The following SLIT1 variants were observed in gnomAD, a reference collection of about 807,000 sequenced individuals.
The protein encoded by SLIT1 is slit guidance ligand 1, also known as slit homolog 1 protein.
Under a neutral mutation model 186.1 loss-of-function variants are expected in SLIT1, and 66 were observed. The ratio of observed to expected loss-of-function variants is 0.35; its 90% CI spans 0.29 to 0.44. The LOEUF (loss-of-function observed/expected upper bound fraction) is 0.44. Among genes scored for constraint, SLIT1 ranks in the 20% least tolerant of loss-of-function variants. The pLI is 1.00. For missense variants in SLIT1, 1,638 were observed against 2,037.4 expected, an observed-to-expected ratio of 0.80 and a Z score of 3.77; for synonymous variants, 761 against 833.8, an observed-to-expected ratio of 0.91 and a Z score of 1.50.
chr10:97,041,196 C>T (rs1330970676), intron 20 of SLIT1, among the ~76,000 whole-genome samples: 1 of 152,182 alleles, frequency 6.6e-6, no homozygotes, highest in Admixed American at 6.5e-5. Flanking sequence ...TAGGGAGCAT[C>T]TACGAGGGTG....
intron 3 of SLIT1, among the ~76,000 whole-genome samples, chr10:97,162,960 C>T (rs1850049522): frequency 6.6e-6 from 1 of 152,242 alleles, no homozygotes; most frequent in Admixed American, 6.5e-5. Flanking sequence ...TGTACTGTGG[C>T]CCTGTGCACC....
At chr10:97,133,622 T>C (rs1849675083) in intron 4 of SLIT1, among the ~76,000 whole-genome samples, 1 of 152,206 alleles carries the variant, frequency 6.6e-6, no homozygotes, top group Admixed American at 6.5e-5. Context: ...AACAGTACAC[T>C]GAAAAATCAT....
chr10:97,008,294 C>T (rs981337296), intron 31 of SLIT1, among the ~76,000 whole-genome samples: 2 of 152,028 alleles, frequency 1.3e-5, no homozygotes, highest in African/African-American at 4.8e-5. Context: ...TTTTTAAGTG[C>T]AAAACTTATA....
intron 4 of SLIT1, among the ~76,000 whole-genome samples, chr10:97,096,179 G>A (rs1220899084): frequency 6.6e-6 from 1 of 152,266 alleles, no homozygotes; most frequent in African/African-American, 2.4e-5. Flanking sequence ...AGCCAGCTGC[G>A]GCCCGAGCTT....
At chr10:97,100,544 G>A (rs569356686) in intron 4 of SLIT1, among the ~76,000 whole-genome samples, 1 of 151,972 alleles carries the variant, frequency 6.6e-6, no homozygotes, top group East Asian at 1.9e-4. Flanking sequence ...GCTGAAGCAG[G>A]AGAATCACTT....
At chr10:97,096,782 C>T (rs1849295645) in intron 4 of SLIT1, among the ~76,000 whole-genome samples, 1 of 152,162 alleles carries the variant, frequency 6.6e-6, no homozygotes, top group Non-Finnish European at 1.5e-5. Flanking sequence ...TTTTCTCTCT[C>T]AAGAATCAGG....
rs1369091779 is a variant in SLIT1 at position 96,999,972 on chromosome 10, C to T, written c.*1140G>A. On this transcript the variant is annotated 3_prime_UTR_variant, in exon 37 of 37. Transcript: ENST00000266058. ...ATAGGTCTTCTAACTCCTCTGGCCT[C>T]CCAAGACCACAGTGGGGGAGTCTGC... The T allele has an allele frequency of 6.6e-6, 1 of 152,284 alleles. No individual in the cohort carries two copies. The highest frequency in any genetic ancestry group is 2.4e-5 in the African/African-American group (1 of 41,440). The allele number at this position is 152,284 out of a possible 1,614,324, so 9.4% of individuals were successfully genotyped here.
At chr10:97,049,178 C>A in intron 13 of SLIT1, 60 bp from the exon 14 acceptor site, 1 of 1,563,046 alleles carries the variant, frequency 6.4e-7, no homozygotes, top group South Asian at 1.2e-5. Context: ...CGCTGACCTC[C>A]ACCGGGACAG....
chr10:96,999,024 C>T lies in SLIT1; in HGVS notation c.*2088G>A, dbSNP rs1848275675. On this transcript the variant is annotated 3_prime_UTR_variant, in exon 37 of 37. Transcript: ENST00000266058. ...CTCAGGGTTGGTGAGTCCCAGAGCA[C>T]CTTTCTTCCAGGGAAGAGGCAAGCT... The T allele has an allele frequency of 6.6e-6, 1 of 152,282 alleles. No homozygotes were observed. The highest frequency in any genetic ancestry group is 1.5e-5 in the Non-Finnish European group (1 of 68,104). The allele number at this position is 152,282 out of a possible 1,614,324, so 9.4% of individuals were successfully genotyped here.
At position 97,021,871 on chromosome 10, in the gene SLIT1, T is replaced by C. The variant is rs1328349531; in HGVS notation, c.2583-458A>G. ...AGCCACCGTGCCTGGCTGCCAGTGC[T>C]GTTTTAAGCACTGCATATGCATTGT... On this transcript the variant is annotated intron_variant, in intron 25 of 36. Transcript: ENST00000266058. This position sits in a 1 kb window ranked among gnomAD's most constrained non-coding sequence, Gnocchi z 4.5. Among the ~76,000 whole-genome samples the C allele has an allele frequency of 2.0e-5, 3 of 152,210 alleles. No individual in the cohort carries two copies. The highest frequency in any genetic ancestry group is 4.4e-5 in the Non-Finnish European group (3 of 68,044).
intron 4 of SLIT1, among the ~76,000 whole-genome samples, chr10:97,104,128 C>T (rs1411379340): frequency 6.6e-6 from 1 of 151,616 alleles, no homozygotes; most frequent in Non-Finnish European, 1.5e-5. Context: ...CTGGGGGTGC[C>T]GAGTGGGAGT....
chr10:97,004,544 G>A lies in SLIT1; in HGVS notation c.3710+149C>T, dbSNP rs912973463. 20 of 942,586 alleles carry A rather than the reference G, an allele frequency of 2.1e-5. No homozygotes were observed. The highest frequency in any genetic ancestry group is 3.3e-5 in the Non-Finnish European group (20 of 614,630). 58.4% of individuals were successfully genotyped at this position (942,586 alleles called of 1,614,324 possible). On this transcript the variant is annotated intron_variant, in intron 33 of 36. Coordinates refer to ENST00000266058, the MANE Select transcript of SLIT1 (RefSeq NM_003061.3). This position sits in a 1 kb window ranked among gnomAD's most constrained non-coding sequence, Gnocchi z 5.1. ...GCCTCAGAGACCTCAGCCCCAAGCT[G>A]GGGCTAACCCAGATGGTTCAAGTGT...
chr10:97,054,592 C>T (rs372480060), intron 13 of SLIT1, among the ~76,000 whole-genome samples: 209 of 152,250 alleles, frequency 1.4e-3, no homozygotes, highest in African/African-American at 4.2e-3. Flanking sequence ...TGCCTTCTGA[C>T]GGGAAGTCCA....
chr10:97,110,661 C>T (rs1004329505), intron 4 of SLIT1, among the ~76,000 whole-genome samples: 1 of 152,164 alleles, frequency 6.6e-6, no homozygotes, highest in South Asian at 2.1e-4. Flanking sequence ...TGTAGCAACA[C>T]CAAAAAGGAA....
chr10:97,090,585 A>G (rs570774216), intron 4 of SLIT1, among the ~76,000 whole-genome samples: 95 of 30,404 alleles, frequency 3.1e-3, no homozygotes, highest in African/African-American at 9.8e-3. Context: ...AGGCAACTGG[A>G]TTATAGGGTG....
chr10:97,113,819 G>C (rs2817699), intron 4 of SLIT1, among the ~76,000 whole-genome samples: 111,626 of 151,652 alleles, frequency 0.74, 42,113 homozygotes, highest in Non-Finnish European at 0.81. Flanking sequence ...GCCTCCCAAA[G>C]TGCTGGGATT....
chr10:97,024,397 C>A (rs149237210), intron 25 of SLIT1, among the ~76,000 whole-genome samples: 3 of 152,222 alleles, frequency 2.0e-5, no homozygotes, highest in South Asian at 2.1e-4. Flanking sequence ...CAATAAAGAG[C>A]CTGCAACCTA....
chr10:97,183,991 G>C (rs1248032540), intron 1 of SLIT1, among the ~76,000 whole-genome samples: 1 of 144,670 alleles, frequency 6.9e-6, no homozygotes, highest in East Asian at 2.1e-4. Context: ...TAACACACAA[G>C]CATTCACACA....
Position 97,022,914 on chromosome 10 carries a change from G to A in SLIT1, c.2583-1501C>T, listed in dbSNP as rs983793775. On this transcript the variant is annotated intron_variant, in intron 25 of 36. Coordinates refer to ENST00000266058, the MANE Select transcript of SLIT1 (RefSeq NM_003061.3). The surrounding 1 kb of genome is among the most constrained non-coding windows in gnomAD (Gnocchi z 4.2). ...ACAGCACGTCTTGGGAATCTTCCTG[G>A]TCAGCATATAAGCATCTATCTCATT... is the stretch of plus-strand genomic sequence containing the variant. Among the ~76,000 whole-genome samples the A allele has an allele frequency of 1.3e-5, 2 of 152,180 alleles. No individual in the cohort carries two copies. Among genetic ancestry groups the A allele is most frequent in the African/African-American group, 4.8e-5 (2 of 41,440 alleles).
Sources: allele counts gnomAD v4.1 joint callset (sites outside exome capture counted in the v4.1 genomes callset), GRCh38; gene constraint gnomAD v4.1.1; non-coding constraint Gnocchi (gnomAD v3.1); transcripts MANE v1.5; gene names NCBI Gene and HGNC (gene_info 2026-07-23, HGNC 2026-07-21).